The following ARHGAP21 variants were observed in gnomAD, a reference collection of about 807,000 sequenced individuals.
ARHGAP21 encodes the protein rho GTPase-activating protein 21.
Under a neutral mutation model 164.6 loss-of-function variants are expected in ARHGAP21, and 38 were observed. That is an observed-to-expected ratio of 0.23 (90% CI 0.18 to 0.30). The LOEUF (loss-of-function observed/expected upper bound fraction) is 0.30. Among genes scored for constraint, ARHGAP21 ranks in the 10% least tolerant of loss-of-function variants. ARHGAP21 has a pLI of 1.00. For missense variants in ARHGAP21, 1,822 were observed against 2,370.7 expected, an observed-to-expected ratio of 0.77 and a Z score of 4.81; for synonymous variants, 766 against 857.9, an observed-to-expected ratio of 0.89 and a Z score of 1.87.
intron 4 of ARHGAP21, among the ~76,000 whole-genome samples, chr10:24,666,190 C>T (rs780439553): frequency 1.6e-4 from 25 of 152,196 alleles, no homozygotes; most frequent in South Asian, 6.2e-4. Context: ...CCACCACACC[C>T]GGCTAATATT....
chr10:24,666,395 G>A (rs371208393), intron 4 of ARHGAP21, among the ~76,000 whole-genome samples: 79 of 152,256 alleles, frequency 5.2e-4, no homozygotes, highest in African/African-American at 1.8e-3. Context: ...AAAATTCTCT[G>A]TACTATTTTT....
intron 4 of ARHGAP21, among the ~76,000 whole-genome samples, chr10:24,641,619 A>G (rs1023551762): frequency 6.6e-6 from 1 of 152,254 alleles, no homozygotes; most frequent in African/African-American, 2.4e-5. Flanking sequence ...GAAATAAGAA[A>G]GTTTGTTTAA....
At chr10:24,666,945 G>C in intron 4 of ARHGAP21, 40 bp downstream of exon 4, 1 of 1,395,096 alleles carries the variant, frequency 7.2e-7, no homozygotes, top group Non-Finnish European at 9.8e-7. Context: ...GAAATGGGTA[G>C]AAAAACATTC....
intron 2 of ARHGAP21, among the ~76,000 whole-genome samples, chr10:24,713,783 T>G (rs1845089009): frequency 6.6e-6 from 1 of 152,144 alleles, no homozygotes; most frequent in African/African-American, 2.4e-5. Flanking sequence ...CACATCAAGT[T>G]TCTCAAACCT....
chr10:24,721,466 C>A (rs1187990850), intron 2 of ARHGAP21, among the ~76,000 whole-genome samples: 3 of 152,162 alleles, frequency 2.0e-5, no homozygotes, highest in African/African-American at 4.8e-5. Flanking sequence ...CTGAAAGCCA[C>A]CCCCAACCAG....
chr10:24,675,405 T>C (rs1841117204), intron 2 of ARHGAP21, among the ~76,000 whole-genome samples: 1 of 152,180 alleles, frequency 6.6e-6, no homozygotes, highest in Non-Finnish European at 1.5e-5. Context: ...TGAAAGCAGA[T>C]TAGCAGTTGC....
chr10:24,669,990 G>A (rs1023684299), intron 3 of ARHGAP21, among the ~76,000 whole-genome samples: 1 of 152,144 alleles, frequency 6.6e-6, no homozygotes. Flanking sequence ...ATGCAGATTT[G>A]GAGTTTAGAA....
intron 4 of ARHGAP21, among the ~76,000 whole-genome samples, chr10:24,661,070 A>G (rs1839643428): frequency 1.3e-5 from 2 of 151,568 alleles, no homozygotes; most frequent in Admixed American, 1.3e-4. Context: ...TCTTATTTTG[A>G]TTATTTATAT....
chr10:24,704,317 G>T lies in ARHGAP21; in HGVS notation c.63+17520C>A, dbSNP rs1197153724. Among the ~76,000 whole-genome samples, 4 of 145,416 alleles carry T rather than the reference G, an allele frequency of 2.8e-5. No individual in the cohort carries two copies. In the East Asian group the frequency reaches 5.9e-4, roughly 22 times the overall value. ...TTTTTTTTTTTTTTTTTGAGACAGGGTCTCACTCTGTGGCCCAGGCTGCAG... is the reference window on the plus strand; with the variant it reads ...TTTTTTTTTTTTTTTTTGAGACAGGTTCTCACTCTGTGGCCCAGGCTGCAG... On this transcript the variant is annotated intron_variant, in intron 2 of 25. Transcript: ENST00000396432.
intron 4 of ARHGAP21, among the ~76,000 whole-genome samples, chr10:24,651,471 G>A (rs1276238915): frequency 6.6e-6 from 1 of 152,048 alleles, no homozygotes; most frequent in Admixed American, 6.6e-5. Context: ...ATCTCATCCT[G>A]GTTTAGTTTA....
chr10:24,631,748 C>T (rs554761425), intron 6 of ARHGAP21, among the ~76,000 whole-genome samples: 2 of 152,174 alleles, frequency 1.3e-5, no homozygotes, highest in Non-Finnish European at 2.9e-5. Flanking sequence ...GACAGGGTCT[C>T]ACTCTGACAC....
Position 24,659,252 on chromosome 10 carries a change from A to G in ARHGAP21, c.268+7733T>C, listed in dbSNP as rs545022185. Among the ~76,000 whole-genome samples, 13 of 152,372 alleles carry G rather than the reference A, an allele frequency of 8.5e-5. No individual in the cohort carries two copies. In the South Asian group the frequency reaches 1.7e-3, roughly 19 times the overall value. ...CCTGTGCATGCATGTTCACAGCAGCACTATTGTCCAAAGAAGATATACAAA... is the reference window on the plus strand; with the variant it reads ...CCTGTGCATGCATGTTCACAGCAGCGCTATTGTCCAAAGAAGATATACAAA... On this transcript the variant is annotated intron_variant, in intron 4 of 25. Coordinates refer to ENST00000396432, the MANE Select transcript of ARHGAP21 (RefSeq NM_020824.4).
At chr10:24,658,809 C>CTAGAACT (rs71397965) in intron 4 of ARHGAP21, among the ~76,000 whole-genome samples, 123,594 of 151,406 alleles carry the variant, frequency 0.82, 50,700 homozygotes, top group African/African-American at 0.91. Flanking sequence ...CACATGTACC[C>CTAGAACT]TAAAGTATTA....
At chr10:24,701,246 G>A (rs1203501968) in intron 2 of ARHGAP21, among the ~76,000 whole-genome samples, 1 of 152,152 alleles carries the variant, frequency 6.6e-6, no homozygotes, top group Non-Finnish European at 1.5e-5. Context: ...CAGGGAGAGA[G>A]GGAACTTCAC....
intron 4 of ARHGAP21, among the ~76,000 whole-genome samples, chr10:24,638,271 A>C (rs1318166500): frequency 6.6e-6 from 1 of 152,166 alleles, no homozygotes; most frequent in Non-Finnish European, 1.5e-5. Context: ...AATATCCCTT[A>C]AATATAAGCA....
intron 2 of ARHGAP21, among the ~76,000 whole-genome samples, chr10:24,712,942 G>A (rs996842968): frequency 6.6e-6 from 1 of 151,610 alleles, no homozygotes; most frequent in Non-Finnish European, 1.5e-5. Flanking sequence ...GTATTTACTA[G>A]GCAAATACTG....
chr10:24,648,956 A>T (rs1231173152), intron 4 of ARHGAP21: 50 of 711,604 alleles, frequency 7.0e-5, no homozygotes, highest in Non-Finnish European at 7.9e-5. Flanking sequence ...AACAAAATAA[A>T]TATTTTGAAA....
chr10:24,628,808 TATATATACATATACAC>T (rs1835410849), intron 7 of ARHGAP21, among the ~76,000 whole-genome samples: 1 of 100,552 alleles, frequency 9.9e-6, no homozygotes, highest in Non-Finnish European at 2.1e-5. Flanking sequence ...CATATATACA[TATATATACATATACAC>T]ACATATATGT....
At chr10:24,604,812 C>CAGTT (rs1207689817) in intron 11 of ARHGAP21, among the ~76,000 whole-genome samples, 1 of 152,098 alleles carries the variant, frequency 6.6e-6, no homozygotes, top group Non-Finnish European at 1.5e-5. Context: ...AGGGAGGGCA[C>CAGTT]AGTTACAGAC....
Sources: allele counts gnomAD v4.1 joint callset (sites outside exome capture counted in the v4.1 genomes callset), GRCh38; gene constraint gnomAD v4.1.1; transcripts MANE v1.5; gene names NCBI Gene and HGNC (gene_info 2026-07-23, HGNC 2026-07-21).